The following LIG1 variants were observed in gnomAD, a reference collection of about 807,000 sequenced individuals.
LIG1 encodes DNA ligase 1.
In LIG1, 70 loss-of-function variants were observed where a neutral mutation model predicts 115.7. That is an observed-to-expected ratio of 0.60 (90% confidence interval 0.50 to 0.74). The LOEUF is 0.74. Among genes scored for constraint, LIG1 ranks in the 30% least tolerant of loss-of-function variants. LIG1 has a pLI of 0.00. For missense variants in LIG1, 1,115 were observed against 1,225.6 expected, an observed-to-expected ratio of 0.91 and a Z score of 1.35; for synonymous variants, 487 against 495.3, an observed-to-expected ratio of 0.98 and a Z score of 0.22.
intron 21 of LIG1, among the ~76,000 whole-genome samples, chr19:48,124,167 C>T (rs1183382815): frequency 1.3e-5 from 2 of 152,218 alleles, no homozygotes; most frequent in African/African-American, 4.8e-5. Context: ...TGATGTTAAA[C>T]TACCTTCACC....
In LIG1 at chr19:48,153,986, TG is replaced by T; in HGVS notation, c.371-20del. ...TTCCGAGCTGGGGAGGCAAAGGGCTTGGTGTATCTGACCTCGCTGGCTCGTG... is the reference window on the plus strand; with the variant it reads ...TTCCGAGCTGGGGAGGCAAAGGGCTTGTGTATCTGACCTCGCTGGCTCGTG... On this transcript the variant is annotated intron_variant, in intron 5 of 27. Coordinates refer to ENST00000263274, the MANE Select transcript of LIG1 (RefSeq NM_000234.3). The T allele has an allele frequency of 6.2e-7, 1 of 1,608,206 alleles. No individual in the cohort carries two copies. Among genetic ancestry groups the T allele is most frequent in the East Asian group, 2.2e-5 (1 of 44,752 alleles).
intron 23 of LIG1, among the ~76,000 whole-genome samples, chr19:48,121,881 C>T (rs114760434): frequency 7.0e-4 from 106 of 152,328 alleles, no homozygotes; most frequent in African/African-American, 2.5e-3. Flanking sequence ...GCCTTGCCGC[C>T]GTCTTTCCCT....
At chr19:48,117,887 C>A in intron 25 of LIG1, 106 bp from the exon 26 acceptor site, 1 of 1,178,102 alleles carries the variant, frequency 8.5e-7, no homozygotes, top group East Asian at 2.5e-5. Context: ...ACAGGCACCC[C>A]CTTGAAGTAA....
chr19:48,115,605 C>T lies in LIG1; in HGVS notation c.*44G>A, dbSNP rs780979375. 1.8e-5 allele frequency: 26 copies of T among 1,406,994 alleles called. No homozygotes were observed. Among genetic ancestry groups the T allele is most frequent in the Non-Finnish European group, 2.5e-5 (25 of 991,788 alleles). 87.2% of individuals were successfully genotyped at this position (1,406,994 alleles called of 1,614,324 possible). ...CAAAGGCAATAATAACCCTGGGGTC[C>T]GTCCAACTCATGCCCTGTACCCAGG... On this transcript the variant is annotated 3_prime_UTR_variant, in exon 28 of 28. Coordinates refer to ENST00000263274, the MANE Select transcript of LIG1 (RefSeq NM_000234.3).
Position 48,127,298 on chromosome 19 carries a change from G to A in LIG1, c.1983C>T (p.Asp661=). Reference sequence around the variant, plus strand: ...TCACCTCTCCATTGAGGTAGATGAGGTCGAAGGCGTACAAACACACCTGCA... The same window carrying A: ...TCACCTCTCCATTGAGGTAGATGAGATCGAAGGCGTACAAACACACCTGCA... ...IQVQVCLYAF[D]LIYLNGESLV... Residue 661 remains aspartate (D), a synonymous_variant, in exon 21 of 28, where the codon GAC becomes GAT. Transcript: ENST00000263274. 1 of 1,613,894 alleles carries A rather than the reference G, an allele frequency of 6.2e-7. No individual in the cohort carries two copies. Among genetic ancestry groups the A allele is most frequent in the South Asian group, 1.1e-5 (1 of 91,090 alleles).
intron 25 of LIG1, among the ~76,000 whole-genome samples, chr19:48,118,125 G>C (rs1568473175): frequency 6.6e-6 from 1 of 152,180 alleles, no homozygotes; most frequent in African/African-American, 2.4e-5. Context: ...AAGGGCCAGA[G>C]ACCTGGAGGA....
chr19:48,134,573 A>G (rs1307238085), intron 16 of LIG1, among the ~76,000 whole-genome samples: 1 of 152,212 alleles, frequency 6.6e-6, no homozygotes, highest in African/African-American at 2.4e-5. Context: ...CAGGAGAATC[A>G]CTTGAACCCT....
At chr19:48,119,633 G>C (rs1445914096) in intron 24 of LIG1, among the ~76,000 whole-genome samples, 1 of 149,896 alleles carries the variant, frequency 6.7e-6, no homozygotes, top group African/African-American at 2.5e-5. Flanking sequence ...CCACCTCCTG[G>C]GCTCAAGCAA....
intron 26 of LIG1, chr19:48,116,320 C>A: frequency 3.4e-6 from 1 of 291,160 alleles, no homozygotes; most frequent in Non-Finnish European, 6.8e-6. Flanking sequence ...GTGGCGGGCG[C>A]CTGTAGTCCC....
At chr19:48,120,768 G>T (rs2033205518) in intron 24 of LIG1, 5 of 355,048 alleles carry the variant, frequency 1.4e-5, no homozygotes, top group Non-Finnish European at 2.1e-5. Context: ...CAGCCACATT[G>T]TGATGATGAG....
At chr19:48,123,624 T>A in intron 21 of LIG1, 1 of 424,682 alleles carries the variant, frequency 2.4e-6, no homozygotes, top group South Asian at 2.3e-5. Flanking sequence ...TGTTTTTTGT[T>A]TTTGTTTTTT....
At position 48,137,418 on chromosome 19, in the gene LIG1, G is replaced by C; in HGVS notation, c.1254+104C>G. ...AGCTGTGCACCCCATGAGAAGGACTGATGCGACCCAGCTGATGGTCTACCC... is the reference window on the plus strand; with the variant it reads ...AGCTGTGCACCCCATGAGAAGGACTCATGCGACCCAGCTGATGGTCTACCC... On this transcript the variant is annotated intron_variant, in intron 13 of 27. Transcript: ENST00000263274. This position sits in a 1 kb window ranked among gnomAD's most constrained non-coding sequence, Gnocchi z 4.3. The C allele has an allele frequency of 1.4e-6, 2 of 1,430,330 alleles. No homozygotes were observed. Among genetic ancestry groups the C allele is most frequent in the Admixed American group, 3.8e-5 (2 of 52,732 alleles). The allele number at this position is 1,430,330 out of a possible 1,614,324, so 88.6% of individuals were successfully genotyped here.
chr19:48,164,891 T>A (rs2036394122), intron 2 of LIG1, among the ~76,000 whole-genome samples: 1 of 152,224 alleles, frequency 6.6e-6, no homozygotes, highest in Non-Finnish European at 1.5e-5. Flanking sequence ...GAAGGATGTT[T>A]AGCAGCATGC....
intron 16 of LIG1, 125 bp downstream of exon 16, chr19:48,135,555 G>A (rs1568502306): frequency 1.7e-5 from 14 of 807,398 alleles, no homozygotes; most frequent in Non-Finnish European, 2.2e-5. Flanking sequence ...CAGTCACCCC[G>A]TGACCGGCAC....
chr19:48,125,374 T>G (rs1448866665), intron 21 of LIG1, among the ~76,000 whole-genome samples: 2 of 152,174 alleles, frequency 1.3e-5, no homozygotes, highest in African/African-American at 4.8e-5. Context: ...ACTGTCTTCC[T>G]ACAGTAATTT....
intron 21 of LIG1, among the ~76,000 whole-genome samples, chr19:48,125,585 G>A (rs1044966679): frequency 2.0e-5 from 3 of 152,302 alleles, no homozygotes; most frequent in African/African-American, 4.8e-5. Flanking sequence ...GCAAGTCACG[G>A]AACAAATGCA....
At chr19:48,133,658 C>T (rs977067215) in intron 17 of LIG1, among the ~76,000 whole-genome samples, 5 of 152,144 alleles carry the variant, frequency 3.3e-5, no homozygotes, top group African/African-American at 4.8e-5. Flanking sequence ...TGCAGTAGCG[C>T]GATGACGGCT....
At chr19:48,123,402 A>C in intron 21 of LIG1, 84 bp from the exon 22 acceptor site, 1 of 1,493,060 alleles carries the variant, frequency 6.7e-7, no homozygotes, top group Non-Finnish European at 9.2e-7. Context: ...CGAACAGGAC[A>C]TGTGCGGGTC....
intron 1 of LIG1, among the ~76,000 whole-genome samples, chr19:48,167,885 A>T (rs141783051): frequency 4.7e-4 from 71 of 151,694 alleles, no homozygotes; most frequent in Non-Finnish European, 7.2e-4. Flanking sequence ...TTCCAAACAG[A>T]GTTTCTCAGG....
Sources: gnomAD v4.1 joint callset for allele counts (sites outside exome capture counted in the v4.1 genomes callset) on GRCh38, gnomAD v4.1.1 for gene constraint, Gnocchi (gnomAD v3.1) non-coding constraint, MANE v1.5 for transcripts, NCBI Gene and HGNC (gene_info 2026-07-23, HGNC 2026-07-21) for gene names.